The following HEMK1 variants were observed in gnomAD, a reference collection of about 807,000 sequenced individuals.
HEMK1 encodes MTRF1L release factor glutamine methyltransferase.
HEMK1 carries 36 observed loss-of-function variants against 47.9 expected under a neutral mutation model. The observed-to-expected ratio is 0.75, with a 90% CI of 0.58 to 0.99. The LOEUF (loss-of-function observed/expected upper bound fraction) is 0.99. HEMK1 is among the 50% of genes least tolerant of loss of function. The probability of loss-of-function intolerance (pLI) is 0.00; values close to 1 mark genes in which losing one functional copy is unlikely to be tolerated. For synonymous variants in HEMK1, 153 were observed against 165.4 expected (o/e 0.93, Z 0.57); for missense variants, 383 against 434.5 (o/e 0.88, Z 1.05).
intron 8 of HEMK1, 143 bp from the exon 9 acceptor site, chr3:50,579,701 T>C: frequency 1.6e-6 from 1 of 621,316 alleles, no homozygotes. Context: ...TTTGGGGCCC[T>C]CCTTCTCTGG....
rs1462592183 is a variant in HEMK1 at position 50,593,844 on chromosome 3, C to A, written c.*13427C>A. Reference sequence around the variant, plus strand: ...TCAAGCGATTCTCTTGGCTCAGCCTCCCGAGTAGCTGGGATTACAGGCGTC... The same window carrying A: ...TCAAGCGATTCTCTTGGCTCAGCCTACCGAGTAGCTGGGATTACAGGCGTC... On this transcript the variant is annotated 3_prime_UTR_variant, in exon 11 of 11. Coordinates refer to ENST00000232854, the MANE Select transcript of HEMK1 (RefSeq NM_016173.5). 6.6e-6 allele frequency: 1 copy of A among 151,908 alleles called. No homozygotes were observed. Among genetic ancestry groups the A allele is most frequent in the Admixed American group, 6.6e-5 (1 of 15,242 alleles). The allele number at this position is 151,908 out of a possible 1,614,324, so 9.4% of individuals were successfully genotyped here. A position where few individuals can be genotyped will look rare whatever the true frequency, so the allele number is the denominator to read the frequency against.
In HEMK1 at chr3:50,586,101, C is replaced by T. The variant is rs1051439923; in HGVS notation, c.*5684C>T. Reference sequence around the variant, plus strand: ...TAGCTGTGGGAGGAGAGCAGGATTTCCCCCGCTTGCGGAATGAGTGGGTGC... The same window carrying T: ...TAGCTGTGGGAGGAGAGCAGGATTTTCCCCGCTTGCGGAATGAGTGGGTGC... On this transcript the variant is annotated 3_prime_UTR_variant, in exon 11 of 11. Transcript: ENST00000232854. 6.6e-6 allele frequency: 1 copy of T among 152,228 alleles called. No homozygotes were observed. Among genetic ancestry groups the T allele is most frequent in the Admixed American group, 6.5e-5 (1 of 15,280 alleles). 9.4% of individuals were successfully genotyped at this position (152,228 alleles called of 1,614,324 possible).
At position 50,570,878 on chromosome 3, in the gene HEMK1, AGG is replaced by A. The variant is rs939397287; in HGVS notation, c.-174-47_-174-46del. The A allele has an allele frequency of 6.7e-6, 3 of 445,092 alleles. No homozygotes were observed. The East Asian group carries it at 1.1e-4, about 16-fold the overall frequency. 27.6% of individuals were successfully genotyped at this position (445,092 alleles called of 1,614,324 possible). A position where few individuals can be genotyped will look rare whatever the true frequency, so the allele number is the denominator to read the frequency against. On this transcript the variant is annotated intron_variant, in intron 1 of 10. Transcript: ENST00000232854. Reference sequence around the variant, plus strand: ...TATTCTCAGGCAATGTATTGGTAGAAGGGGGGGTGTCATACAAGGCTCACCTG... The same window carrying A: ...TATTCTCAGGCAATGTATTGGTAGAAGGGGGTGTCATACAAGGCTCACCTG...
intron 3 of HEMK1, 156 bp downstream of exon 3, chr3:50,571,957 G>C (rs1236211500): frequency 4.6e-6 from 3 of 654,228 alleles, no homozygotes. Flanking sequence ...TACTGAATAG[G>C]AAGAAGGGAG....
At chr3:50,571,884 G>A (rs2107386861) in intron 3 of HEMK1, 83 bp downstream of exon 3, 1 of 1,445,158 alleles carries the variant, frequency 6.9e-7, no homozygotes, top group Non-Finnish European at 9.7e-7. Flanking sequence ...GTTCAGGGAG[G>A]AGGAGAATGT....
rs931896286 is a variant in HEMK1, at chr3:50,583,052, C to T, written c.*2635C>T. On this transcript the variant is annotated 3_prime_UTR_variant, in exon 11 of 11. Transcript: ENST00000232854. ...GCTGATGGAGTCCAGGCTGTGCAAG[C>T]CCCTGAGGTCTTGAGAGATGTGCCC... The T allele has an allele frequency of 6.6e-6, 1 of 152,580 alleles. No individual in the cohort carries two copies. Among genetic ancestry groups the T allele is most frequent in the East Asian group, 1.9e-4 (1 of 5,190 alleles). The allele number at this position is 152,580 out of a possible 1,614,324, so 9.5% of individuals were successfully genotyped here. A position where few individuals can be genotyped will look rare whatever the true frequency, so the allele number is the denominator to read the frequency against.
At position 50,580,829 on chromosome 3, in the gene HEMK1, G is replaced by C. The variant is rs941542959; in HGVS notation, c.*412G>C. 3.9e-6 allele frequency: 1 copy of C among 257,122 alleles called. No homozygotes were observed. The highest frequency in any genetic ancestry group is 7.6e-6 in the Non-Finnish European group (1 of 131,940). 15.9% of individuals were successfully genotyped at this position (257,122 alleles called of 1,614,324 possible). On this transcript the variant is annotated 3_prime_UTR_variant, in exon 11 of 11. Coordinates refer to ENST00000232854, the MANE Select transcript of HEMK1 (RefSeq NM_016173.5). ...GGGGGTGCAGTGTGGAGGAAGGCAC[G>C]TGAGTCCTCACTCCTGGCCTTGGAT...
chr3:50,571,177 G>A lies in HEMK1; in HGVS notation c.73G>A (p.Ala25Thr), dbSNP rs747273872. Residue 25 changes from alanine (A) to threonine (T), a missense_variant, in exon 2 of 11, where the codon GCC becomes ACC. Physicochemically the swap from Ala to Thr is moderately conservative, Grantham distance 58. Transcript: ENST00000232854. Reference protein sequence around the residue: ...PGRRGSTRGWAFSSWQPQPPL... With the variant: ...PGRRGSTRGWTFSSWQPQPPL... ...GAGGAGGGGAAGTACCCGGGGCTGGGCCTTCAGCTCATGGCAACCCCAACC... is the reference window on the plus strand; with the variant it reads ...GAGGAGGGGAAGTACCCGGGGCTGGACCTTCAGCTCATGGCAACCCCAACC... 5.6e-6 allele frequency: 9 copies of A among 1,613,774 alleles called. No homozygotes were observed. Among genetic ancestry groups the A allele is most frequent in the South Asian group, 1.1e-5 (1 of 91,046 alleles).
chr3:50,575,424 A>G (rs1020039895), intron 4 of HEMK1, among the ~76,000 whole-genome samples: 1 of 149,882 alleles, frequency 6.7e-6, no homozygotes, highest in Non-Finnish European at 1.5e-5. Context: ...CTCTGTCTCA[A>G]AAAAAAAAAG....
Position 50,588,571 on chromosome 3 carries a change from C to G in HEMK1, c.*8154C>G, listed in dbSNP as rs1340845276. On this transcript the variant is annotated 3_prime_UTR_variant, in exon 11 of 11. Transcript: ENST00000232854. Reference sequence around the variant, plus strand: ...AGCTCTCTCCCTGTCGGCCCGGGTGCCAGATTTTCACGCCCACAGCAAAGG... The same window carrying G: ...AGCTCTCTCCCTGTCGGCCCGGGTGGCAGATTTTCACGCCCACAGCAAAGG... 1 of 152,228 alleles carries G rather than the reference C, an allele frequency of 6.6e-6. No individual in the cohort carries two copies. The highest frequency in any genetic ancestry group is 6.5e-5 in the Admixed American group (1 of 15,284). The allele number at this position is 152,228 out of a possible 1,614,324, so 9.4% of individuals were successfully genotyped here. A position where few individuals can be genotyped will look rare whatever the true frequency, so the allele number is the denominator to read the frequency against.
rs1459006923 is a variant in HEMK1 at position 50,584,536 on chromosome 3, A to T, written c.*4119A>T. The T allele has an allele frequency of 6.6e-6, 1 of 152,190 alleles. No individual in the cohort carries two copies. The highest frequency in any genetic ancestry group is 1.5e-5 in the Non-Finnish European group (1 of 68,016). 9.4% of individuals were successfully genotyped at this position (152,190 alleles called of 1,614,324 possible). ...TAAAGGAGGCAGGAGTGTCAGAGTG[A>T]CGGAAGAAAATGTATGTAACAATGG... On this transcript the variant is annotated 3_prime_UTR_variant, in exon 11 of 11. Transcript: ENST00000232854.
intron 4 of HEMK1, among the ~76,000 whole-genome samples, chr3:50,572,685 C>T (rs1559454832): frequency 1.3e-5 from 2 of 152,234 alleles, no homozygotes; most frequent in Non-Finnish European, 1.5e-5. Context: ...GAGGGTTAGC[C>T]CTCCAGCCCA....
At chr3:50,570,558 C>A (rs1412861579) in intron 1 of HEMK1, 1 of 152,288 alleles carries the variant, frequency 6.6e-6, no homozygotes, top group Admixed American at 6.5e-5. Context: ...TAGACTAATG[C>A]ATTGCTTGCC....
rs2031332969 is a variant in HEMK1 at position 50,586,053 on chromosome 3, C to T, written c.*5636C>T. The T allele has an allele frequency of 6.6e-6, 1 of 152,224 alleles. No individual in the cohort carries two copies. The highest frequency in any genetic ancestry group is 2.4e-5 in the African/African-American group (1 of 41,428). The allele number at this position is 152,224 out of a possible 1,614,324, so 9.4% of individuals were successfully genotyped here. ...TGTAGCCCTGGGTGTGCAGACAGAT[C>T]TGAGTCCCATCTGAAGCTCTGGTAG... On this transcript the variant is annotated 3_prime_UTR_variant, in exon 11 of 11. Transcript: ENST00000232854.
chr3:50,573,506 T>C (rs1034077627), intron 4 of HEMK1, among the ~76,000 whole-genome samples: 6 of 152,182 alleles, frequency 3.9e-5, no homozygotes, highest in Non-Finnish European at 7.3e-5. Context: ...GGGTTCTGAG[T>C]ATCAAGTGTG....
In HEMK1 at chr3:50,594,840, C is replaced by G. The variant is rs1468166587; in HGVS notation, c.*14423C>G. ...CTACCTCCTTTGGCTTCCTTTCCTT[C>G]CCTGTCTCACCCCCTCTCCCATTTT... On this transcript the variant is annotated 3_prime_UTR_variant, in exon 11 of 11. Coordinates refer to ENST00000232854, the MANE Select transcript of HEMK1 (RefSeq NM_016173.5). 6.6e-6 allele frequency: 1 copy of G among 152,182 alleles called. No individual in the cohort carries two copies. The highest frequency in any genetic ancestry group is 2.4e-5 in the African/African-American group (1 of 41,436). The allele number at this position is 152,182 out of a possible 1,614,324, so 9.4% of individuals were successfully genotyped here. A position where few individuals can be genotyped will look rare whatever the true frequency, so the allele number is the denominator to read the frequency against.
At chr3:50,574,101 T>A (rs56112107) in intron 4 of HEMK1, among the ~76,000 whole-genome samples, 3,813 of 152,314 alleles carry the variant, frequency 0.025, 184 homozygotes, top group African/African-American at 0.087. Flanking sequence ...ATGGAGTCCA[T>A]GTTGGGGCAG....
intron 4 of HEMK1, among the ~76,000 whole-genome samples, chr3:50,576,030 C>T (rs921432968): frequency 3.3e-5 from 5 of 152,250 alleles, no homozygotes; most frequent in African/African-American, 9.6e-5. Flanking sequence ...AGGGCAGGTA[C>T]AGTGCAGTCA....
chr3:50,575,803 C>T lies in HEMK1; in HGVS notation c.415-1249C>T, dbSNP rs73835540. Among the ~76,000 whole-genome samples, 1,070 of 152,318 alleles carry T rather than the reference C, an allele frequency of 7.0e-3. 13 individuals carry two copies. Among genetic ancestry groups the T allele is most frequent in the African/African-American group, 0.025 (1,028 of 41,576 alleles). ...AAGGGATGCCTTTGAGAAGGAGCTA[C>T]ACTGCCCTTTCCTTGTCTCATGCCT... On this transcript the variant is annotated intron_variant, in intron 4 of 10. Transcript: ENST00000232854.
Sources: gnomAD v4.1 joint callset for allele counts (sites outside exome capture counted in the v4.1 genomes callset) on GRCh38, gnomAD v4.1.1 for gene constraint, MANE v1.5 for transcripts, NCBI Gene and HGNC (gene_info 2026-07-23, HGNC 2026-07-21) for gene names.